Variants in FAM168A observed in about 807,000 individuals in gnomAD.
FAM168A encodes the protein family with sequence similarity 168 member A.
A neutral mutation model predicts 28.5 loss-of-function variants in FAM168A; 3 were observed. The observed-to-expected ratio is 0.11, with a 90% confidence interval of 0.05 to 0.27. The LOEUF (loss-of-function observed/expected upper bound fraction) is 0.27. FAM168A is among the 10% of genes least tolerant of loss of function. The pLI is 1.00. For synonymous variants in FAM168A, 122 were observed against 124.2 expected, an observed-to-expected ratio of 0.98 and a Z score of 0.12; for missense variants, 222 against 311.5, an observed-to-expected ratio of 0.71 and a Z score of 2.16.
intron 1 of FAM168A, among the ~76,000 whole-genome samples, chr11:73,509,305 A>G (rs1855172912): frequency 6.6e-6 from 1 of 152,082 alleles, no homozygotes; most frequent in Non-Finnish European, 1.5e-5. Context: ...TCTGTTAAAA[A>G]CCTTATCATT....
rs57679951 is a variant in FAM168A, at chr11:73,552,301, G to T, written c.-19+45622C>A. ...TTGAAGAGCTGTGGGGAAGACGAAAGAAAATGTATATAAAATATCTATAGA... is the reference window on the plus strand; with the variant it reads ...TTGAAGAGCTGTGGGGAAGACGAAATAAAATGTATATAAAATATCTATAGA... On this transcript the variant is annotated intron_variant, in intron 1 of 7. Coordinates refer to ENST00000356467, the MANE Select transcript of FAM168A (RefSeq NM_015159.3). Among the ~76,000 whole-genome samples the T allele has an allele frequency of 3.9e-5, 6 of 152,272 alleles. No individual in the cohort carries two copies. In the East Asian group the frequency reaches 1.2e-3, roughly 29 times the overall value.
chr11:73,559,835 T>C (rs191507889), intron 1 of FAM168A, among the ~76,000 whole-genome samples: 15 of 152,346 alleles, frequency 9.8e-5, no homozygotes, highest in Admixed American at 9.8e-4. Context: ...GAATCCTCCC[T>C]TCACACAAAC....
At chr11:73,451,283 G>A (rs534030410) in intron 2 of FAM168A, among the ~76,000 whole-genome samples, 3 of 152,332 alleles carry the variant, frequency 2.0e-5, no homozygotes, top group Non-Finnish European at 4.4e-5. Context: ...AGAGCTAAAT[G>A]TGAATTACTG....
At chr11:73,466,535 AATG>A (rs1397193400) in intron 2 of FAM168A, among the ~76,000 whole-genome samples, 2 of 152,178 alleles carry the variant, frequency 1.3e-5, no homozygotes, top group Non-Finnish European at 2.9e-5. Context: ...GTTCTTACCA[AATG>A]ATAATAATTT....
intron 1 of FAM168A, among the ~76,000 whole-genome samples, chr11:73,498,651 A>T (rs1854942149): frequency 6.6e-6 from 1 of 152,166 alleles, no homozygotes; most frequent in African/African-American, 2.4e-5. Context: ...ACCCATTTCT[A>T]TAGCTCCAGG....
intron 1 of FAM168A, among the ~76,000 whole-genome samples, chr11:73,590,985 A>T (rs1215712647): frequency 6.6e-6 from 1 of 152,318 alleles, no homozygotes; most frequent in African/African-American, 2.4e-5. Flanking sequence ...TCTACCAAAA[A>T]TACAAACAAT....
At chr11:73,439,879 CTT>C (rs761818483) in intron 2 of FAM168A, among the ~76,000 whole-genome samples, 4 of 97,034 alleles carry the variant, frequency 4.1e-5, no homozygotes, top group Admixed American at 1.1e-4. Context: ...TCTCAGGTCA[CTT>C]TTTTTTTTTT....
At chr11:73,550,725 G>GA (rs1380959128) in intron 1 of FAM168A, among the ~76,000 whole-genome samples, 21 of 152,010 alleles carry the variant, frequency 1.4e-4, no homozygotes, top group Non-Finnish European at 2.4e-4. Context: ...GTCCCAAATA[G>GA]AGATAAATGT....
chr11:73,489,915 T>C (rs1008493235), intron 1 of FAM168A, among the ~76,000 whole-genome samples: 2 of 152,204 alleles, frequency 1.3e-5, no homozygotes, highest in African/African-American at 4.8e-5. Flanking sequence ...GGCAGCTCTT[T>C]CTCAATTTCT....
intron 3 of FAM168A, among the ~76,000 whole-genome samples, chr11:73,428,650 T>C (rs574160871): frequency 3.9e-5 from 6 of 152,224 alleles, no homozygotes; most frequent in Non-Finnish European, 5.9e-5. Flanking sequence ...CTCAAAGCCA[T>C]TGTAGTTAAG....
At chr11:73,477,684 T>C (rs948026292) in intron 1 of FAM168A, among the ~76,000 whole-genome samples, 4 of 149,972 alleles carry the variant, frequency 2.7e-5, no homozygotes, top group Non-Finnish European at 5.9e-5. Flanking sequence ...TTCAATGTGC[T>C]GAAAAAACAA....
intron 3 of FAM168A, among the ~76,000 whole-genome samples, chr11:73,424,104 G>A (rs1460423688): frequency 6.6e-6 from 1 of 152,220 alleles, no homozygotes; most frequent in African/African-American, 2.4e-5. Flanking sequence ...CAGAGATCAT[G>A]TGAAATTAAA....
chr11:73,510,692 T>C (rs996755747), intron 1 of FAM168A: 25 of 356,350 alleles, frequency 7.0e-5, no homozygotes, highest in African/African-American at 4.2e-4. Context: ...ATTTCCCATA[T>C]TGTAACTTAT....
intron 2 of FAM168A, among the ~76,000 whole-genome samples, chr11:73,433,517 C>T (rs1867034235): frequency 6.6e-6 from 1 of 151,914 alleles, no homozygotes; most frequent in African/African-American, 2.4e-5. Context: ...ATGGTTTTGG[C>T]TTATATTGAG....
At chr11:73,560,840 A>G (rs1664764578) in intron 1 of FAM168A, among the ~76,000 whole-genome samples, 1 of 152,166 alleles carries the variant, frequency 6.6e-6, no homozygotes, top group African/African-American at 2.4e-5. Flanking sequence ...AGGCGGGCAC[A>G]TAGCCTGAGA....
intron 1 of FAM168A, among the ~76,000 whole-genome samples, chr11:73,570,469 C>T (rs558626540): frequency 3.3e-5 from 5 of 152,272 alleles, no homozygotes; most frequent in South Asian, 2.1e-4. Flanking sequence ...AGACTGGACA[C>T]AGTGACTCAC....
intron 1 of FAM168A, among the ~76,000 whole-genome samples, chr11:73,522,926 T>C (rs1489608984): frequency 1.3e-5 from 2 of 151,944 alleles, no homozygotes; most frequent in Admixed American, 6.6e-5. Context: ...GGCAGGAGAA[T>C]TGCTTGAACC....
intron 2 of FAM168A, among the ~76,000 whole-genome samples, chr11:73,450,809 GC>G (rs1328460030): frequency 6.6e-6 from 1 of 152,122 alleles, no homozygotes; most frequent in Admixed American, 6.5e-5. Context: ...TAAAAAAGAT[GC>G]TTTGAGTTCA....
At chr11:73,517,685 T>C (rs1324589838) in intron 1 of FAM168A, among the ~76,000 whole-genome samples, 2 of 152,214 alleles carry the variant, frequency 1.3e-5, no homozygotes, top group Non-Finnish European at 2.9e-5. Flanking sequence ...TCTTTTATAC[T>C]ATACAACCTT....
Sources: allele counts gnomAD v4.1 joint callset (sites outside exome capture counted in the v4.1 genomes callset), GRCh38; gene constraint gnomAD v4.1.1; transcripts MANE v1.5; gene names NCBI Gene and HGNC (gene_info 2026-07-23, HGNC 2026-07-21).